The following HGSNAT variants were observed in gnomAD, a reference collection of about 807,000 sequenced individuals.
HGSNAT encodes heparan-alpha-glucosaminide N-acetyltransferase, also known as transmembrane protein 76.
HGSNAT carries 59 observed loss-of-function variants against 85.2 expected under a neutral mutation model. The ratio of observed to expected loss-of-function variants is 0.69; its 90% CI spans 0.56 to 0.86. The LOEUF is 0.86. Ranked by LOEUF, HGSNAT falls within the 40% of genes least tolerant of loss-of-function variation. The probability of loss-of-function intolerance (pLI) is 0.00; values close to 1 mark genes in which losing one functional copy is unlikely to be tolerated. For missense variants in HGSNAT, 756 were observed against 777.1 expected, an observed-to-expected ratio of 0.97 and a Z score of 0.32; for synonymous variants, 321 against 304.5, an observed-to-expected ratio of 1.05 and a Z score of -0.56.
intron 14 of HGSNAT, 155 bp downstream of exon 14, chr8:43,193,998 A>G: frequency 7.2e-7 from 1 of 1,388,980 alleles, no homozygotes; most frequent in Non-Finnish European, 9.3e-7. Flanking sequence ...GTGCAGAACC[A>G]AAAGTTACTG....
At chr8:43,143,255 T>C (rs1443040360) in intron 1 of HGSNAT, among the ~76,000 whole-genome samples, 1 of 152,222 alleles carries the variant, frequency 6.6e-6, no homozygotes, top group African/African-American at 2.4e-5. Context: ...TTGGAAAACA[T>C]GTTCAAACTT....
At chr8:43,177,882 G>A (rs538139283) in intron 9 of HGSNAT, among the ~76,000 whole-genome samples, 192 bp from the exon 10 acceptor site, 2 of 152,272 alleles carry the variant, frequency 1.3e-5, no homozygotes, top group East Asian at 3.9e-4. Context: ...AAGGTGCACT[G>A]TCAAAAACCT....
rs549042320 is a variant in HGSNAT at position 43,181,230 on chromosome 8, G to C, written c.1013-915G>C. Among the ~76,000 whole-genome samples, 127 of 134,908 alleles carry C rather than the reference G, an allele frequency of 9.4e-4. 1 individual carries two copies. The highest frequency in any genetic ancestry group is 2.7e-3 in the East Asian group (12 of 4,376). 88.5% of individuals were successfully genotyped at this position (134,908 alleles called of 152,430 possible). A position where few individuals can be genotyped will look rare whatever the true frequency, so the allele number is the denominator to read the frequency against. On this transcript the variant is annotated intron_variant, in intron 10 of 17. Coordinates refer to ENST00000379644, the MANE Select transcript of HGSNAT (RefSeq NM_152419.3). ...GGGAGAGGGAGAGGGAGAGGGAGAGGGAGAGCATTTCATCAGCTTTCGATA... is the reference window on the plus strand; with the variant it reads ...GGGAGAGGGAGAGGGAGAGGGAGAGCGAGAGCATTTCATCAGCTTTCGATA...
At chr8:43,170,481 AAAAAC>A (rs536945546) in intron 6 of HGSNAT, 99 bp from the exon 7 acceptor site, 349 of 1,119,540 alleles carry the variant, frequency 3.1e-4, no homozygotes, top group African/African-American at 2.0e-3. Flanking sequence ...CTCTGTCTCA[AAAAAC>A]AAAACAAAAC....
intron 10 of HGSNAT, chr8:43,180,228 G>C (rs1804021091): frequency 8.6e-6 from 1 of 115,894 alleles, no homozygotes; most frequent in African/African-American, 3.3e-5. Flanking sequence ...TGGCCGGGCG[G>C]GGGGCTGACC....
At chr8:43,197,185 C>G in intron 15 of HGSNAT, 160 bp downstream of exon 15, 1 of 618,604 alleles carries the variant, frequency 1.6e-6, no homozygotes. Context: ...ATCTTTCCAC[C>G]TAAATGCACA....
chr8:43,193,912 C>A, intron 14 of HGSNAT, 69 bp downstream of exon 14: 1 of 1,590,178 alleles, frequency 6.3e-7, no homozygotes. Context: ...ATTTAAAAAC[C>A]ATTTCATTAA....
intron 10 of HGSNAT, among the ~76,000 whole-genome samples, chr8:43,181,215 G>C (rs1325316400): frequency 6.1e-5 from 7 of 115,274 alleles, no homozygotes; most frequent in African/African-American, 1.0e-4. Context: ...GGGAGAGGGA[G>C]AGGGAGAGGG....
At chr8:43,160,265 C>T (rs971047885) in intron 4 of HGSNAT, among the ~76,000 whole-genome samples, 1 of 152,142 alleles carries the variant, frequency 6.6e-6, no homozygotes, top group Non-Finnish European at 1.5e-5. Context: ...AGGGAAAATT[C>T]TGTGGAGAAG....
Position 43,197,723 on chromosome 8 carries a change from C to T in HGSNAT, c.1594C>T (p.Pro532Ser), listed in dbSNP as rs374940094. 2.5e-6 allele frequency: 4 copies of T among 1,612,984 alleles called. No individual in the cohort carries two copies. Among genetic ancestry groups the T allele is most frequent in the Non-Finnish European group, 2.5e-6 (3 of 1,179,168 alleles). The change falls in exon 16 of 18, where the codon CCA (proline) becomes TCA (serine). Residue 532 changes from proline to serine, a missense_variant. Pro to Ser is a moderately conservative substitution (Grantham distance 74). Coordinates refer to ENST00000379644, the MANE Select transcript of HGSNAT (RefSeq NM_152419.3). The part of the protein sequence containing the change: ...TKVSENEGFI[P>S]VNKNLWSLSY... Reference sequence around the variant, plus strand: ...GGTTTCTGAAAATGAAGGCTTTATTCCAGTAAACAAAAATCTCTGGTATGT... The same window carrying T: ...GGTTTCTGAAAATGAAGGCTTTATTTCAGTAAACAAAAATCTCTGGTATGT...
At chr8:43,176,333 CT>C (rs565201160) in intron 9 of HGSNAT, among the ~76,000 whole-genome samples, 1 of 152,126 alleles carries the variant, frequency 6.6e-6, no homozygotes, top group Non-Finnish European at 1.5e-5. Flanking sequence ...GTTCTTGGCA[CT>C]TTTGTCGAAA....
chr8:43,140,673 C>T (rs1185278710), intron 1 of HGSNAT, 59 bp downstream of exon 1: 5 of 859,344 alleles, frequency 5.8e-6, no homozygotes, highest in East Asian at 9.6e-5. Context: ...CTCCTCTCCG[C>T]GGCGCCGCCC....
chr8:43,198,043 A>G lies in HGSNAT; in HGVS notation c.1726+91A>G, dbSNP rs1206685884. On this transcript the variant is annotated intron_variant, in intron 17 of 17. Coordinates refer to ENST00000379644, the MANE Select transcript of HGSNAT (RefSeq NM_152419.3). ...GAGCATCCTTGGTGCTGGGGTCTTG[A>G]GCCACTGCCCTAGCGGCAGGTGTCC... is the stretch of plus-strand genomic sequence containing the variant. The G allele has an allele frequency of 3.4e-6, 3 of 879,790 alleles. No individual in the cohort carries two copies. The East Asian group carries it at 7.9e-5, about 23-fold the overall frequency. The allele number at this position is 879,790 out of a possible 1,614,324, so 54.5% of individuals were successfully genotyped here.
chr8:43,157,639 G>A (rs188161713), intron 2 of HGSNAT, among the ~76,000 whole-genome samples: 493 of 152,148 alleles, frequency 3.2e-3, no homozygotes, highest in Non-Finnish European at 6.2e-3. Context: ...CTAGCTGGGC[G>A]TAGTGATGCG....
rs1804929563 is a variant in HGSNAT, at chr8:43,201,942, AC to A, written c.*2376del. 1 of 152,190 alleles carries A rather than the reference AC, an allele frequency of 6.6e-6. No homozygotes were observed. Among genetic ancestry groups the A allele is most frequent in the Non-Finnish European group, 1.5e-5 (1 of 68,082 alleles). 9.4% of individuals were successfully genotyped at this position (152,190 alleles called of 1,614,324 possible). A position where few individuals can be genotyped will look rare whatever the true frequency, so the allele number is the denominator to read the frequency against. On this transcript the variant is annotated 3_prime_UTR_variant, in exon 18 of 18. Coordinates refer to ENST00000379644, the MANE Select transcript of HGSNAT (RefSeq NM_152419.3). The surrounding 1 kb of genome is among the most constrained non-coding windows in gnomAD (Gnocchi z 4.4). ...GACAGTCGTCATTCCTCCTCCTGCC[AC>A]CCTTTTCTTTCAGTGAGTCACTGTG...
intron 11 of HGSNAT, among the ~76,000 whole-genome samples, chr8:43,185,761 ATTGGCTG>A (rs1804285188): frequency 6.6e-6 from 1 of 152,110 alleles, no homozygotes; most frequent in Non-Finnish European, 1.5e-5. Context: ...TCAGTATGAT[ATTGGCTG>A]TGGGTTTGTC....
In HGSNAT at chr8:43,191,623, T is replaced by A. The variant is rs774249183; in HGVS notation, c.1250+28T>A. On this transcript the variant is annotated intron_variant, in intron 12 of 17. Coordinates refer to ENST00000379644, the MANE Select transcript of HGSNAT (RefSeq NM_152419.3). ...AAGCGAACCCCTGGGGGTCATCCCTTGTGCATGTCCTGTTCTGCCCAGTCA... is the reference window on the plus strand; with the variant it reads ...AAGCGAACCCCTGGGGGTCATCCCTAGTGCATGTCCTGTTCTGCCCAGTCA... 3.1e-6 allele frequency: 5 copies of A among 1,611,704 alleles called. No individual in the cohort carries two copies. The South Asian group carries it at 5.5e-5, about 18-fold the overall frequency.
At chr8:43,159,256 A>G (rs907704956) in intron 4 of HGSNAT, among the ~76,000 whole-genome samples, 4 of 152,144 alleles carry the variant, frequency 2.6e-5, no homozygotes, top group Non-Finnish European at 5.9e-5. Context: ...TGTTTATTGT[A>G]TTATCTGTAT....
intron 11 of HGSNAT, among the ~76,000 whole-genome samples, chr8:43,185,672 A>G (rs535767610): frequency 2.4e-4 from 36 of 152,134 alleles, no homozygotes; most frequent in Non-Finnish European, 1.5e-5. Flanking sequence ...TTCCAATCCT[A>G]TGTTGAACAG....
Sources: allele counts gnomAD v4.1 joint callset (sites outside exome capture counted in the v4.1 genomes callset), GRCh38; gene constraint gnomAD v4.1.1; non-coding constraint Gnocchi (gnomAD v3.1); transcripts MANE v1.5; gene names NCBI Gene and HGNC (gene_info 2026-07-23, HGNC 2026-07-21).